IL7: variants seen among roughly 807,000 people sequenced by gnomAD.
IL7 encodes the protein interleukin-7.
Under a neutral mutation model 21.6 loss-of-function variants are expected in IL7, and 3 were observed. The ratio of observed to expected loss-of-function variants is 0.14; its 90% CI spans 0.06 to 0.36. IL7 has a LOEUF of 0.36. IL7 is among the 10% of genes least tolerant of loss of function. The pLI is 1.00. For synonymous variants in IL7, 62 were observed against 68.1 expected (o/e 0.91, Z 0.44); for missense variants, 175 against 200.2 (o/e 0.87, Z 0.76).
At chr8:78,789,417 A>G (rs763448075) in intron 2 of IL7, among the ~76,000 whole-genome samples, 22 of 152,170 alleles carry the variant, frequency 1.4e-4, no homozygotes, top group Non-Finnish European at 3.1e-4. Context: ...TTATTTAAAC[A>G]TTGTCCATTT....
downstream of IL7, among the ~76,000 whole-genome samples, chr8:78,675,054 CAGTTTCTTTTTTTGT>C (rs1341960153): frequency 2.6e-5 from 4 of 151,420 alleles, no homozygotes; most frequent in Admixed American, 6.6e-5. Context: ...ACAAAGAATG[CAGTTTCTTTTTTTGT>C]AGTTTCTTTT....
At chr8:78,776,875 GGTCCACAC>G in intron 2 of IL7, among the ~76,000 whole-genome samples, 1 of 152,006 alleles carries the variant, frequency 6.6e-6, no homozygotes, top group Non-Finnish European at 1.5e-5. Flanking sequence ...ATTGACACAG[GGTCCACAC>G]GGGTCATAAC....
chr8:78,767,973 C>A (rs4270956), intron 2 of IL7, among the ~76,000 whole-genome samples: 141,489 of 150,514 alleles, frequency 0.94, 66,588 homozygotes, highest in East Asian at 1. Flanking sequence ...TCCTGTGTCC[C>A]TGTGTTCTCA....
intron 2 of IL7, among the ~76,000 whole-genome samples, chr8:78,766,942 T>G (rs1812773706): frequency 6.6e-6 from 1 of 152,158 alleles, no homozygotes. Flanking sequence ...TTGGATCAGA[T>G]GTCATCAGTC....
At chr8:78,785,415 A>C (rs1813476533) in intron 2 of IL7, among the ~76,000 whole-genome samples, 1 of 152,112 alleles carries the variant, frequency 6.6e-6, no homozygotes, top group South Asian at 2.1e-4. Flanking sequence ...TAACAAATCT[A>C]TTTCATATTT....
At chr8:78,773,226 G>C (rs886905102) in intron 2 of IL7, among the ~76,000 whole-genome samples, 4 of 152,014 alleles carry the variant, frequency 2.6e-5, no homozygotes, top group Non-Finnish European at 4.4e-5. Flanking sequence ...GGACCATGTC[G>C]ACATACCCAT....
intron 1 of IL7, among the ~76,000 whole-genome samples, chr8:78,803,111 C>T (rs1334469431): frequency 6.6e-6 from 1 of 152,092 alleles, no homozygotes; most frequent in Non-Finnish European, 1.5e-5. Flanking sequence ...CAAACACTAA[C>T]GTGATGCAGT....
At chr8:78,675,091 A>G (rs1015537807), downstream of IL7, among the ~76,000 whole-genome samples, 9 of 151,432 alleles carry the variant, frequency 5.9e-5, no homozygotes, top group African/African-American at 1.7e-4. Context: ...TTTTCTTTTT[A>G]GTAATAACAT....
chr8:78,767,109 T>G (rs1488910116), intron 2 of IL7, among the ~76,000 whole-genome samples: 2 of 152,136 alleles, frequency 1.3e-5, no homozygotes, highest in Non-Finnish European at 2.9e-5. Flanking sequence ...CACTTTCTTA[T>G]AAGTTTTTTG....
intron 2 of IL7, among the ~76,000 whole-genome samples, chr8:78,756,256 A>T (rs768166463): frequency 9.9e-5 from 15 of 151,804 alleles, no homozygotes; most frequent in Non-Finnish European, 2.1e-4. Context: ...GAAACTTTGC[A>T]TATTGGCTTG....
intron 2 of IL7, among the ~76,000 whole-genome samples, chr8:78,782,476 G>T (rs1004352346): frequency 6.6e-5 from 10 of 152,030 alleles, no homozygotes; most frequent in Non-Finnish European, 1.3e-4. Context: ...CTTCCATAAG[G>T]CTCCTGTCAG....
intron 3 of IL7, among the ~76,000 whole-genome samples, chr8:78,722,149 C>A (rs188558903): frequency 8.1e-4 from 123 of 151,764 alleles, no homozygotes; most frequent in African/African-American, 2.7e-3. Context: ...TGCACATTAC[C>A]ATTATAATTT....
chr8:78,687,636 A>ATATATATATTTATGTAATACAT (rs879786809), intron 3 of IL7, among the ~76,000 whole-genome samples: 34,342 of 129,968 alleles, frequency 0.26, 16,754 homozygotes, highest in Non-Finnish European at 0.34. Context: ...GTAATACATT[A>ATATATATATTTATGTAATACAT]TATATATATT....
rs199914968 is a variant in IL7 at position 78,774,084 on chromosome 8, GA to G, written c.147+23987del. 6.0e-5 allele frequency among the ~76,000 whole-genome samples: 9 copies of G among 149,952 alleles called. No individual in the cohort carries two copies. In the East Asian group the frequency reaches 1.2e-3, roughly 20 times the overall value. On this transcript the variant is annotated intron_variant, in intron 2 of 5. Transcript: ENST00000263851. ...TTTTCTACCAAAAGAGCAGAGAAAA[GA>G]AAAAAAAACATATATTTGTGAGTTC...
chr8:78,687,874 AATAT>A (rs1436154147), intron 3 of IL7, among the ~76,000 whole-genome samples: 2 of 133,496 alleles, frequency 1.5e-5, no homozygotes. Context: ...CTATATAATA[AATAT>A]ATATTTATAT....
Position 78,733,376 on chromosome 8 carries a change from T to C in IL7, c.*337A>G, listed in dbSNP as rs879400555. The stretch of plus-strand genomic sequence containing the variant: ...ATCTTTGAAACCATTATATACTTCA[T>C]AGATTTAATGTCTTGAAATATTTAA... On this transcript the variant is annotated 3_prime_UTR_variant, in exon 6 of 6. Transcript: ENST00000263851. 1 of 194,028 alleles carries C rather than the reference T, an allele frequency of 5.2e-6. No individual in the cohort carries two copies. The highest frequency in any genetic ancestry group is 6.3e-5 in the Admixed American group (1 of 15,918). 12.0% of individuals were successfully genotyped at this position (194,028 alleles called of 1,614,324 possible). A position where few individuals can be genotyped will look rare whatever the true frequency, so the allele number is the denominator to read the frequency against.
chr8:78,768,265 T>C (rs1456139518), intron 2 of IL7, among the ~76,000 whole-genome samples: 1 of 152,174 alleles, frequency 6.6e-6, no homozygotes, highest in Non-Finnish European at 1.5e-5. Context: ...GCATGATTTA[T>C]AGTTCTTTGG....
intron 2 of IL7, among the ~76,000 whole-genome samples, chr8:78,750,039 A>G (rs796368236): frequency 3.5e-4 from 54 of 152,250 alleles, no homozygotes; most frequent in African/African-American, 1.3e-3. Flanking sequence ...TCTCAAAAAA[A>G]AAATACTAAT....
At chr8:78,705,840 C>T (rs1032064246) in intron 3 of IL7, among the ~76,000 whole-genome samples, 17 of 151,960 alleles carry the variant, frequency 1.1e-4, no homozygotes, top group African/African-American at 4.1e-4. Flanking sequence ...TGGGGACTTA[C>T]TTAAAGAAGC....
Sources: gnomAD v4.1 joint callset for allele counts (sites outside exome capture counted in the v4.1 genomes callset) on GRCh38, gnomAD v4.1.1 for gene constraint, MANE v1.5 for transcripts, NCBI Gene and HGNC (gene_info 2026-07-23, HGNC 2026-07-21) for gene names.